DNAH10: variants seen among roughly 807,000 people sequenced by gnomAD.
DNAH10 encodes dynein axonemal heavy chain 10.
In DNAH10, 348 loss-of-function variants were observed where a neutral mutation model predicts 506.6. The ratio of observed to expected loss-of-function variants is 0.69; its 90% CI spans 0.63 to 0.75. The LOEUF is 0.75. Ranked by LOEUF, DNAH10 falls within the 30% of genes least tolerant of loss-of-function variation. DNAH10 has a pLI of 0.00. For missense variants in DNAH10, 5,179 were observed against 5,787.1 expected, an observed-to-expected ratio of 0.89 and a Z score of 3.41; for synonymous variants, 2,059 against 2,198.6, an observed-to-expected ratio of 0.94 and a Z score of 1.78.
chr12:123,864,179 A>G (rs964099182), intron 39 of DNAH10, among the ~76,000 whole-genome samples: 1 of 119,406 alleles, frequency 8.4e-6, no homozygotes, highest in Non-Finnish European at 1.7e-5. Context: ...GGGGTCTTGC[A>G]CTGTTGCCTG....
At chr12:123,773,940 T>G (rs1276370413) in intron 4 of DNAH10, among the ~76,000 whole-genome samples, 2 of 152,230 alleles carry the variant, frequency 1.3e-5, no homozygotes, top group African/African-American at 4.8e-5. Context: ...TTCATACTAA[T>G]CCACGAACCA....
rs376287132 is a variant in DNAH10, at chr12:123,861,014, T to G, written c.6752T>G (p.Leu2251Arg). 1.9e-6 allele frequency: 3 copies of G among 1,614,004 alleles called. No homozygotes were observed. The highest frequency in any genetic ancestry group is 2.5e-6 in the Non-Finnish European group (3 of 1,179,892). ...GGCTAAAGCCTCTCTTGATTTAGGCTTGGGCTGACGACAAAGTTGTACATC... is the reference window on the plus strand; with the variant it reads ...GGCTAAAGCCTCTCTTGATTTAGGCGTGGGCTGACGACAAAGTTGTACATC... The part of the protein sequence containing the change: ...INTLCQAQTK[L>R]GLTTKLYILN... Residue 2251 changes from leucine (L) to arginine (R), a missense_variant and splice_region_variant, in exon 39 of 79, where the codon CTT (leucine) becomes CGT (arginine). Coordinates refer to ENST00000673944, the MANE Select transcript of DNAH10 (RefSeq NM_001372106.1).
chr12:123,910,042 GTTTA>G (rs1467989732), intron 58 of DNAH10, among the ~76,000 whole-genome samples: 1 of 152,212 alleles, frequency 6.6e-6, no homozygotes, highest in Non-Finnish European at 1.5e-5. Flanking sequence ...GTGTTTGATG[GTTTA>G]TTTAGACTCT....
At chr12:123,933,568 C>A in intron 77 of DNAH10, 57 bp downstream of exon 77, 1 of 1,519,654 alleles carries the variant, frequency 6.6e-7, no homozygotes, top group African/African-American at 1.4e-5. Flanking sequence ...TCTCCCTGAA[C>A]CACCTCCAAC....
In DNAH10 at chr12:123,762,475, G is replaced by A. The variant is rs1372990690; in HGVS notation, c.139G>A (p.Ala47Thr). The A allele has an allele frequency of 2.0e-6, 3 of 1,506,828 alleles. No homozygotes were observed. In the African/African-American group the frequency reaches 4.3e-5, roughly 21 times the overall value. 93.3% of individuals were successfully genotyped at this position (1,506,828 alleles called of 1,614,324 possible). A position where few individuals can be genotyped will look rare whatever the true frequency, so the allele number is the denominator to read the frequency against. The stretch of plus-strand genomic sequence containing the variant: ...CCTCATCTTGCACTTCCTCAACCAG[G>A]CGAGCGAGGAGGAGGGGCCCTCGGC... The part of the protein sequence containing the change: ...EDLILHFLNQ[A>T]SEEEGPSALF... Residue 47 changes from alanine to threonine, a missense_variant, in exon 1 of 79, where the codon GCG becomes ACG. Physicochemically the swap from Ala to Thr is moderately conservative, Grantham distance 58. Around this residue, in one of 3 missense-constraint regions of DNAH10, gnomAD observed 326 missense variants for 330.8 expected, o/e 0.99. Coordinates refer to ENST00000673944, the MANE Select transcript of DNAH10 (RefSeq NM_001372106.1). This position sits in a 1 kb window ranked among gnomAD's most constrained non-coding sequence, Gnocchi z 5.0.
chr12:123,897,986 G>A lies in DNAH10; in HGVS notation c.9478+19G>A, dbSNP rs1953332816. 6.5e-7 allele frequency: 1 copy of A among 1,536,558 alleles called. No individual in the cohort carries two copies. Among genetic ancestry groups the A allele is most frequent in the African/African-American group, 1.4e-5 (1 of 70,710 alleles). Reference sequence around the variant, plus strand: ...AATATAGGTAAGCCTTGGGGATGGGGTGGTTGACAAAAGTCATTATTATTT... The same window carrying A: ...AATATAGGTAAGCCTTGGGGATGGGATGGTTGACAAAAGTCATTATTATTT... On this transcript the variant is annotated intron_variant, in intron 55 of 78. Coordinates refer to ENST00000673944, the MANE Select transcript of DNAH10 (RefSeq NM_001372106.1).
At chr12:123,797,845 A>G (rs991029136) in intron 13 of DNAH10, among the ~76,000 whole-genome samples, 6 of 152,154 alleles carry the variant, frequency 3.9e-5, no homozygotes, top group Non-Finnish European at 8.8e-5. Flanking sequence ...GGATTTTTAT[A>G]TGTTATATAG....
At chr12:123,808,724 A>G in intron 18 of DNAH10, 73 bp from the exon 19 acceptor site, 1 of 1,535,998 alleles carries the variant, frequency 6.5e-7, no homozygotes, top group Non-Finnish European at 8.9e-7. Flanking sequence ...GGCCCTGGTC[A>G]TTTCCATCAA....
At position 123,903,611 on chromosome 12, in the gene DNAH10, A is replaced by G. The variant is rs991944956; in HGVS notation, c.9815+498A>G. Among the ~76,000 whole-genome samples the G allele has an allele frequency of 1.3e-5, 2 of 152,158 alleles. No homozygotes were observed. The highest frequency in any genetic ancestry group is 2.1e-4 in the South Asian group (1 of 4,824). On this transcript the variant is annotated intron_variant, in intron 57 of 78. Transcript: ENST00000673944. The surrounding 1 kb of genome is among the most constrained non-coding windows in gnomAD (Gnocchi z 4.6). ...AGGCCCCCATACATCTTGCAAATCA[A>G]TCTGTAAGATGACCCTGTCCCCCAC...
intron 30 of DNAH10, among the ~76,000 whole-genome samples, chr12:123,844,544 T>G (rs1251181589): frequency 6.6e-6 from 1 of 152,220 alleles, no homozygotes; most frequent in Non-Finnish European, 1.5e-5. Context: ...GATGTTTTGT[T>G]TCACTTTTCA....
chr12:123,831,095 A>C (rs1227346087), intron 26 of DNAH10, among the ~76,000 whole-genome samples: 2 of 152,168 alleles, frequency 1.3e-5, no homozygotes, highest in Non-Finnish European at 2.9e-5. Context: ...TGTTTAAAAA[A>C]ATTTTTTCTT....
chr12:123,934,386 C>A, intron 77 of DNAH10: 1 of 662,984 alleles, frequency 1.5e-6, no homozygotes, highest in Non-Finnish European at 2.7e-6. Flanking sequence ...CACCGCCCCA[C>A]ACCCATTTCT....
In DNAH10 at chr12:123,925,345, G is replaced by A. The variant is rs969192068; in HGVS notation, c.11921+141G>A. Reference sequence around the variant, plus strand: ...CCCTGCTGTACAATATTCGATAGCCGATATTCTAGAATTCTTCAATATTCT... The same window carrying A: ...CCCTGCTGTACAATATTCGATAGCCAATATTCTAGAATTCTTCAATATTCT... On this transcript the variant is annotated intron_variant, in intron 68 of 78. Coordinates refer to ENST00000673944, the MANE Select transcript of DNAH10 (RefSeq NM_001372106.1). The surrounding 1 kb of genome is among the most constrained non-coding windows in gnomAD (Gnocchi z 4.0). 9 of 1,096,628 alleles carry A rather than the reference G, an allele frequency of 8.2e-6. No individual in the cohort carries two copies. The highest frequency in any genetic ancestry group is 1.0e-5 in the Non-Finnish European group (8 of 774,624). 67.9% of individuals were successfully genotyped at this position (1,096,628 alleles called of 1,614,324 possible). A position where few individuals can be genotyped will look rare whatever the true frequency, so the allele number is the denominator to read the frequency against.
At chr12:123,819,556 G>A (rs1013278854) in intron 23 of DNAH10, among the ~76,000 whole-genome samples, 1 of 152,020 alleles carries the variant, frequency 6.6e-6, no homozygotes, top group Non-Finnish European at 1.5e-5. Context: ...AAACACCAGC[G>A]ACTGCCTTTA....
chr12:123,860,618 C>A (rs7138100), intron 38 of DNAH10, among the ~76,000 whole-genome samples: 48,681 of 152,046 alleles, frequency 0.32, 7,918 homozygotes, highest in Middle Eastern at 0.41. Flanking sequence ...CATTAGTAGT[C>A]CAAAGCCTTG....
chr12:123,828,281 C>T (rs181665903), intron 25 of DNAH10, among the ~76,000 whole-genome samples: 9 of 151,882 alleles, frequency 5.9e-5, no homozygotes, highest in East Asian at 3.9e-4. Flanking sequence ...GAGGACACAG[C>T]GTAAGAATTA....
At chr12:123,837,227 C>T (rs908640204) in intron 28 of DNAH10, among the ~76,000 whole-genome samples, 3 of 150,522 alleles carry the variant, frequency 2.0e-5, no homozygotes, top group Non-Finnish European at 4.4e-5. Flanking sequence ...GCCTGTAATC[C>T]CAGCTACTCG....
chr12:123,820,825 T>C, intron 24 of DNAH10, 67 bp downstream of exon 24: 1 of 1,540,232 alleles, frequency 6.5e-7, no homozygotes, highest in Non-Finnish European at 8.9e-7. Context: ...ACTTAAGCCC[T>C]GCAGACTTTG....
At chr12:123,809,052 T>A in intron 19 of DNAH10, 99 bp downstream of exon 19, 1 of 1,398,076 alleles carries the variant, frequency 7.2e-7, no homozygotes, top group Non-Finnish European at 9.8e-7. Flanking sequence ...CTGCCCAAGG[T>A]GGAATTCTTG....
Sources: allele counts gnomAD v4.1 joint callset (sites outside exome capture counted in the v4.1 genomes callset), GRCh38; gene constraint gnomAD v4.1.1; regional missense constraint gnomAD v4.1.1; non-coding constraint Gnocchi (gnomAD v3.1); transcripts MANE v1.5; gene names NCBI Gene and HGNC (gene_info 2026-07-23, HGNC 2026-07-21).